The following MAD1L1 variants were observed in gnomAD, a reference collection of about 807,000 sequenced individuals.
MAD1L1 encodes the protein mitotic spindle assembly checkpoint protein MAD1.
A neutral mutation model predicts 96.9 loss-of-function variants in MAD1L1; 95 were observed. The ratio of observed to expected loss-of-function variants is 0.98; its 90% CI spans 0.83 to 1.16. The LOEUF (loss-of-function observed/expected upper bound fraction) is 1.16. Among genes scored for constraint, MAD1L1 ranks in the 50% most tolerant of loss-of-function variants. The probability of loss-of-function intolerance (pLI) is 0.00; values close to 1 mark genes in which losing one functional copy is unlikely to be tolerated. For missense variants in MAD1L1, 1,007 were observed against 954.4 expected (o/e 1.06, Z -0.73); for synonymous variants, 473 against 396.6 (o/e 1.19, Z -2.29).
At chr7:1,910,250 C>T (rs993209552) in intron 17 of MAD1L1, among the ~76,000 whole-genome samples, 15 of 152,154 alleles carry the variant, frequency 9.9e-5, no homozygotes, top group African/African-American at 2.7e-4. Flanking sequence ...GGAACCTTGG[C>T]GGAAGGAGGG....
Position 1,972,371 on chromosome 7 carries a change from A to T in MAD1L1, c.1505+8082T>A, listed in dbSNP as rs934680823. On this transcript the variant is annotated intron_variant, in intron 15 of 18. Transcript: ENST00000265854. ...CATCTTTATGACTTCAATTTTTTTT[A>T]AAAAAATAGTTTACAAGATTATTCA... Among the ~76,000 whole-genome samples the T allele has an allele frequency of 7.9e-5, 12 of 152,112 alleles. 1 individual carries two copies. The highest frequency in any genetic ancestry group is 1.3e-4 in the Non-Finnish European group (9 of 68,016).
intron 18 of MAD1L1, among the ~76,000 whole-genome samples, chr7:1,843,530 G>C (rs1304007512): frequency 6.6e-6 from 1 of 152,228 alleles, no homozygotes; most frequent in Non-Finnish European, 1.5e-5. Flanking sequence ...AGGGCCTCCT[G>C]AAGTGCAATT....
At position 1,815,906 on chromosome 7, in the gene MAD1L1, C is replaced by A. The variant is rs1156969650; in HGVS notation, c.*164G>T. 2.7e-5 allele frequency: 22 copies of A among 814,386 alleles called. No individual in the cohort carries two copies. The highest frequency in any genetic ancestry group is 3.6e-5 in the Non-Finnish European group (19 of 534,688). 50.4% of individuals were successfully genotyped at this position (814,386 alleles called of 1,614,324 possible). ...CTGCACGTGGAGAGGGTGCTGGCCG[C>A]CCCAGCAGGAAGCCCGACGTAGGTC... On this transcript the variant is annotated 3_prime_UTR_variant, in exon 19 of 19. Transcript: ENST00000265854.
intron 15 of MAD1L1, among the ~76,000 whole-genome samples, chr7:1,958,829 C>T (rs1316985725): frequency 1.3e-5 from 2 of 152,122 alleles, no homozygotes; most frequent in African/African-American, 4.8e-5. Context: ...AGTTCAGACT[C>T]GGAAGAGACA....
intron 11 of MAD1L1, among the ~76,000 whole-genome samples, chr7:2,076,936 G>C (rs1785403544): frequency 6.6e-6 from 1 of 151,208 alleles, no homozygotes; most frequent in Non-Finnish European, 1.5e-5. Context: ...GCCCGAGACA[G>C]TTATGGCACA....
Position 2,087,293 on chromosome 7 carries a change from A to T in MAD1L1, c.1074-17955T>A, listed in dbSNP as rs191353777. Among the ~76,000 whole-genome samples, 2 of 152,316 alleles carry T rather than the reference A, an allele frequency of 1.3e-5. 1 individual carries two copies. Among genetic ancestry groups the T allele is most frequent in the Non-Finnish European group, 2.9e-5 (2 of 68,022 alleles). On this transcript the variant is annotated intron_variant, in intron 11 of 18. Transcript: ENST00000265854. The stretch of plus-strand genomic sequence containing the variant: ...GGTGGTTCATGCCTGTAACTCCAGC[A>T]CTTCGGGAGGGTGAGGCGGACAGAT...
At chr7:1,963,408 C>T (rs6972374) in intron 15 of MAD1L1, among the ~76,000 whole-genome samples, 55,881 of 151,878 alleles carry the variant, frequency 0.37, 10,292 homozygotes, top group East Asian at 0.42. Context: ...AGCACGTCGG[C>T]GGGTTTGGGG....
chr7:1,855,362 C>A (rs1784195771), intron 18 of MAD1L1, among the ~76,000 whole-genome samples: 1 of 152,012 alleles, frequency 6.6e-6, no homozygotes, highest in African/African-American at 2.4e-5. Context: ...GCTGAGCATT[C>A]CCCAGGTGCT....
chr7:1,992,829 G>A (rs1014148986), intron 14 of MAD1L1, among the ~76,000 whole-genome samples: 34 of 146,924 alleles, frequency 2.3e-4, no homozygotes, highest in Middle Eastern at 6.8e-3. Context: ...GGAGGCAGGC[G>A]GCAGGGGCAG....
intron 11 of MAD1L1, among the ~76,000 whole-genome samples, chr7:2,127,818 G>A (rs1269110533): frequency 6.6e-6 from 1 of 152,174 alleles, no homozygotes; most frequent in Non-Finnish European, 1.5e-5. Flanking sequence ...GAATGAGAAA[G>A]CCTAGGGTGG....
At chr7:2,032,043 CG>C (rs1783250806) in intron 12 of MAD1L1, among the ~76,000 whole-genome samples, 1 of 152,242 alleles carries the variant, frequency 6.6e-6, no homozygotes, top group African/African-American at 2.4e-5. Flanking sequence ...TCTCCACCGA[CG>C]GGTAACAGGC....
chr7:2,116,580 G>A (rs918904913), intron 11 of MAD1L1, among the ~76,000 whole-genome samples: 21 of 148,826 alleles, frequency 1.4e-4, no homozygotes, highest in African/African-American at 4.7e-4. Flanking sequence ...GGGGGGGGGG[G>A]GCTCCTGTGT....
Position 2,081,440 on chromosome 7 carries a change from G to A in MAD1L1, c.1074-12102C>T, listed in dbSNP as rs563275007. On this transcript the variant is annotated intron_variant, in intron 11 of 18. Coordinates refer to ENST00000265854, the MANE Select transcript of MAD1L1 (RefSeq NM_001013836.2). ...TTTCCAGAACGCCATCGTGCGACCCGGGAAACCTCAGGACACATCTCAGCT... is the reference window on the plus strand; with the variant it reads ...TTTCCAGAACGCCATCGTGCGACCCAGGAAACCTCAGGACACATCTCAGCT... 1.1e-4 allele frequency among the ~76,000 whole-genome samples: 16 copies of A among 152,326 alleles called. No individual in the cohort carries two copies. In the East Asian group the frequency reaches 1.9e-3, roughly 18 times the overall value.
At chr7:2,084,796 G>C (rs1785825784) in intron 11 of MAD1L1, among the ~76,000 whole-genome samples, 1 of 152,198 alleles carries the variant, frequency 6.6e-6, no homozygotes, top group Non-Finnish European at 1.5e-5. Flanking sequence ...GAAAAAGGAA[G>C]GAGCCGTGAC....
intron 18 of MAD1L1, among the ~76,000 whole-genome samples, chr7:1,892,518 A>G (rs1786609969): frequency 6.6e-6 from 1 of 152,222 alleles, no homozygotes; most frequent in Admixed American, 6.5e-5. Flanking sequence ...GCAAATATTC[A>G]TCCCTAATCT....
chr7:1,821,799 C>T (rs1782137902), intron 18 of MAD1L1, among the ~76,000 whole-genome samples: 1 of 152,224 alleles, frequency 6.6e-6, no homozygotes, highest in Admixed American at 6.5e-5. Context: ...GTAAAAAGCA[C>T]CACGAAGAAC....
chr7:1,886,777 G>C (rs1019950418), intron 18 of MAD1L1, among the ~76,000 whole-genome samples: 1 of 152,274 alleles, frequency 6.6e-6, no homozygotes, highest in Admixed American at 6.5e-5. Flanking sequence ...TGTGCAGACA[G>C]GCAGAGACCT....
At chr7:1,861,210 G>A (rs1056743150) in intron 18 of MAD1L1, among the ~76,000 whole-genome samples, 4 of 152,188 alleles carry the variant, frequency 2.6e-5, no homozygotes, top group Non-Finnish European at 5.9e-5. Context: ...CCACGGCTAG[G>A]CTCTGGGGAG....
chr7:2,210,203 G>C (rs1349349034), intron 10 of MAD1L1, among the ~76,000 whole-genome samples: 1 of 152,148 alleles, frequency 6.6e-6, no homozygotes, highest in Non-Finnish European at 1.5e-5. Flanking sequence ...CTCCTGAGTA[G>C]CTGGGACTAC....
Sources: allele counts gnomAD v4.1 joint callset (sites outside exome capture counted in the v4.1 genomes callset), GRCh38; gene constraint gnomAD v4.1.1; transcripts MANE v1.5; gene names NCBI Gene and HGNC (gene_info 2026-07-23, HGNC 2026-07-21).